Variants in CCSER1 observed in about 807,000 individuals in gnomAD.
CCSER1 encodes the protein coiled-coil serine rich protein 1, also known as serine-rich coiled-coil domain-containing protein 1.
A neutral mutation model predicts 82.0 loss-of-function variants in CCSER1; 41 were observed. That is an observed-to-expected ratio of 0.50 (90% CI 0.39 to 0.65). CCSER1 has a LOEUF of 0.65. Ranked by LOEUF, CCSER1 falls within the 30% of genes least tolerant of loss-of-function variation. The pLI, the probability that CCSER1 is intolerant of heterozygous loss-of-function variation, is 0.00. For synonymous variants in CCSER1, 414 were observed against 383.9 expected (o/e 1.08, Z -0.92); for missense variants, 1,119 against 1,064.2 (o/e 1.05, Z -0.72).
intron 10 of CCSER1, among the ~76,000 whole-genome samples, chr4:91,436,496 G>C (rs143207714): frequency 1.0e-3 from 158 of 152,296 alleles, no homozygotes; most frequent in Non-Finnish European, 1.0e-3. Context: ...GAAAGTATGA[G>C]AAAGTCGATG....
chr4:91,594,430 CATATACACACATATATACATAT>C (rs1343608233), intron 10 of CCSER1, among the ~76,000 whole-genome samples: 48 of 146,966 alleles, frequency 3.3e-4, no homozygotes, highest in African/African-American at 8.0e-4. Flanking sequence ...TACATATATA[CATATACACACATATATACATAT>C]ATATACACAC....
intron 1 of CCSER1, among the ~76,000 whole-genome samples, chr4:90,178,396 C>G (rs1440268582): frequency 6.6e-6 from 1 of 152,012 alleles, no homozygotes; most frequent in African/African-American, 2.4e-5. Context: ...CTGTTACTCT[C>G]TCCCATTTTT....
intron 10 of CCSER1, among the ~76,000 whole-genome samples, chr4:91,348,580 A>G (rs777660893): frequency 6.6e-6 from 1 of 152,184 alleles, no homozygotes; most frequent in Non-Finnish European, 1.5e-5. Context: ...GGTAGAATTC[A>G]TCTGAGCTTG....
At chr4:91,590,770 A>T (rs992179992) in intron 10 of CCSER1, among the ~76,000 whole-genome samples, 5 of 152,106 alleles carry the variant, frequency 3.3e-5, no homozygotes, top group African/African-American at 9.7e-5. Context: ...GATATTTTTT[A>T]AAATTAATAA....
Position 91,367,147 on chromosome 4 carries a change from A to AAAG in CCSER1, c.2218-231423_2218-231422insGAA, listed in dbSNP as rs1553928949. ...CATCTCTCCAAAAAAAAAAAAAAAA[A>AAAG]AAAGAGAAAAAAATGCAAAGTTCGC... On this transcript the variant is annotated intron_variant, in intron 10 of 10. Transcript: ENST00000509176. 3.9e-3 allele frequency among the ~76,000 whole-genome samples: 585 copies of AAAG among 148,760 alleles called. 7 individuals are homozygous for AAAG. Among genetic ancestry groups the AAAG allele is most frequent in the African/African-American group, 0.014 (545 of 40,366 alleles).
intron 1 of CCSER1, among the ~76,000 whole-genome samples, chr4:90,154,319 T>G (rs1175294843): frequency 6.6e-6 from 1 of 152,246 alleles, no homozygotes; most frequent in Non-Finnish European, 1.5e-5. Context: ...GCGTGACGCC[T>G]CCAGCTTTGT....
intron 9 of CCSER1, among the ~76,000 whole-genome samples, chr4:90,953,494 A>G (rs1316821116): frequency 6.6e-6 from 1 of 151,610 alleles, no homozygotes; most frequent in Non-Finnish European, 1.5e-5. Context: ...TCCTAGAAAT[A>G]TTTTAGATAT....
intron 9 of CCSER1, among the ~76,000 whole-genome samples, chr4:91,029,366 T>C (rs1328002359): frequency 2.0e-5 from 3 of 152,004 alleles, no homozygotes; most frequent in Non-Finnish European, 4.4e-5. Context: ...AAGAGAATCA[T>C]TTCAAAACAA....
At chr4:90,855,964 T>C (rs1580795402) in intron 8 of CCSER1, among the ~76,000 whole-genome samples, 1 of 152,254 alleles carries the variant, frequency 6.6e-6, no homozygotes, top group East Asian at 1.9e-4. Context: ...AACTAATTTA[T>C]ATATTAATAT....
chr4:90,668,242 A>G (rs187483976), intron 6 of CCSER1, among the ~76,000 whole-genome samples: 2 of 152,314 alleles, frequency 1.3e-5, no homozygotes, highest in East Asian at 3.9e-4. Flanking sequence ...GTAAATATCT[A>G]CTGTCACATG....
chr4:90,910,332 A>T (rs1436768154), intron 8 of CCSER1, among the ~76,000 whole-genome samples: 1 of 152,136 alleles, frequency 6.6e-6, no homozygotes, highest in Admixed American at 6.6e-5. Context: ...GCAAAACAAA[A>T]CTACATATCC....
chr4:90,849,790 TAAAA>T (rs750879193), intron 8 of CCSER1, among the ~76,000 whole-genome samples: 4 of 76,996 alleles, frequency 5.2e-5, no homozygotes, highest in Admixed American at 4.3e-4. Flanking sequence ...CTCCATCTCA[TAAAA>T]AAAAAAAAAA....
chr4:91,153,777 C>T (rs1237522128), intron 10 of CCSER1, among the ~76,000 whole-genome samples: 1 of 152,000 alleles, frequency 6.6e-6, no homozygotes, highest in East Asian at 1.9e-4. Flanking sequence ...GAGGTCCACT[C>T]CAGACCCTGT....
intron 9 of CCSER1, among the ~76,000 whole-genome samples, chr4:91,033,869 T>A (rs1741200606): frequency 6.6e-6 from 1 of 152,198 alleles, no homozygotes; most frequent in Non-Finnish European, 1.5e-5. Context: ...ATAAGGAATA[T>A]AATGATTGAC....
At chr4:90,257,794 G>C (rs979667501) in intron 1 of CCSER1, among the ~76,000 whole-genome samples, 7 of 152,054 alleles carry the variant, frequency 4.6e-5, no homozygotes, top group Non-Finnish European at 1.0e-4. Context: ...TGATATTGTA[G>C]CTCCCAGACA....
intron 6 of CCSER1, among the ~76,000 whole-genome samples, chr4:90,718,852 ACTC>A (rs1301082336): frequency 6.6e-6 from 1 of 151,972 alleles, no homozygotes; most frequent in Admixed American, 6.6e-5. Flanking sequence ...AGTCCCATAA[ACTC>A]CTGAGTTTCT....
intron 1 of CCSER1, among the ~76,000 whole-genome samples, chr4:90,256,315 T>C (rs1723275660): frequency 6.6e-6 from 1 of 152,124 alleles, no homozygotes; most frequent in Admixed American, 6.5e-5. Flanking sequence ...ATAGCCAAAA[T>C]GTATTGTGCC....
At chr4:91,107,939 A>T (rs1184877124) in intron 10 of CCSER1, 1 of 151,886 alleles carries the variant, frequency 6.6e-6, no homozygotes, top group Non-Finnish European at 1.5e-5. Context: ...CAGTTTGTAG[A>T]CTCTATCAGC....
At chr4:90,537,038 C>A (rs1004482327) in intron 5 of CCSER1, among the ~76,000 whole-genome samples, 6 of 152,068 alleles carry the variant, frequency 3.9e-5, no homozygotes, top group Non-Finnish European at 8.8e-5. Context: ...GCCGGGAGGC[C>A]TTGATGATTT....
Sources: gnomAD v4.1 joint callset for allele counts (sites outside exome capture counted in the v4.1 genomes callset) on GRCh38, gnomAD v4.1.1 for gene constraint, MANE v1.5 for transcripts, NCBI Gene and HGNC (gene_info 2026-07-23, HGNC 2026-07-21) for gene names.